Variants in ENPP3 observed in about 807,000 individuals in gnomAD.
The protein encoded by ENPP3 is ectonucleotide pyrophosphatase/phosphodiesterase 3.
ENPP3 carries 104 observed loss-of-function variants against 117.8 expected under a neutral mutation model. That is an observed-to-expected ratio of 0.88 (90% confidence interval 0.75 to 1.04). The LOEUF is 1.04. Ranked by LOEUF, ENPP3 falls within the 50% of genes least tolerant of loss-of-function variation. The probability of loss-of-function intolerance (pLI) is 0.00; values close to 1 mark genes in which losing one functional copy is unlikely to be tolerated. For missense variants in ENPP3, 1,026 were observed against 1,051.9 expected (o/e 0.98, Z 0.34); for synonymous variants, 380 against 349.9 (o/e 1.09, Z -0.96).
At chr6:131,692,272 A>G (rs1223898503) in intron 14 of ENPP3, among the ~76,000 whole-genome samples, 2 of 151,968 alleles carry the variant, frequency 1.3e-5, no homozygotes, top group Non-Finnish European at 2.9e-5. Context: ...TCATTACCTC[A>G]TTTTTCTTTT....
chr6:131,680,652 C>T (rs959127313), intron 11 of ENPP3, among the ~76,000 whole-genome samples: 9 of 152,128 alleles, frequency 5.9e-5, no homozygotes, highest in Non-Finnish European at 1.2e-4. Context: ...TAGTTTTAAT[C>T]GCATACCTTT....
chr6:131,643,949 G>C (rs1472623285), intron 2 of ENPP3, among the ~76,000 whole-genome samples: 1 of 150,530 alleles, frequency 6.6e-6, no homozygotes, highest in African/African-American at 2.5e-5. Flanking sequence ...GTGTCTGTGT[G>C]TGTGTGTGTG....
rs549441852 is a variant in ENPP3, at chr6:131,684,137, T to G, written c.1120+975T>G. On this transcript the variant is annotated intron_variant, in intron 12 of 24. Transcript: ENST00000357639. ...TCCTTCCTAGCTAGGGTGGTCAAAC[T>G]GTCTTCTTGAGGAGGACGTTTAAAG... 1.5e-4 allele frequency among the ~76,000 whole-genome samples: 23 copies of G among 152,306 alleles called. No individual in the cohort carries two copies. The South Asian group carries it at 3.3e-3, about 22-fold the overall frequency.
In ENPP3 at chr6:131,723,403, C is replaced by T. The variant is rs1235414661; in HGVS notation, c.1747-637C>T. ...ACCGACTGCTCCTGATAACCTCAATCAAACTGCCATTAAAAAATAATAATA... is the reference window on the plus strand; with the variant it reads ...ACCGACTGCTCCTGATAACCTCAATTAAACTGCCATTAAAAAATAATAATA... On this transcript the variant is annotated intron_variant, in intron 18 of 24. Transcript: ENST00000357639. Among the ~76,000 whole-genome samples the T allele has an allele frequency of 2.0e-5, 3 of 152,162 alleles. No individual in the cohort carries two copies. The East Asian group carries it at 5.8e-4, about 29-fold the overall frequency.
chr6:131,717,124 T>C (rs1404899709), intron 15 of ENPP3, among the ~76,000 whole-genome samples: 3 of 152,154 alleles, frequency 2.0e-5, no homozygotes, highest in Non-Finnish European at 4.4e-5. Context: ...CCATTCCAGG[T>C]ACTTACCTGG....
intron 2 of ENPP3, among the ~76,000 whole-genome samples, chr6:131,641,749 T>TTGATAATGATAA (rs1778046041): frequency 6.6e-6 from 1 of 151,328 alleles, no homozygotes; most frequent in Non-Finnish European, 1.5e-5. Flanking sequence ...CCCTGCTCAT[T>TTGATAATGATAA]TGAGACTCAT....
chr6:131,733,836 C>A, intron 21 of ENPP3, 113 bp downstream of exon 21: 1 of 1,126,938 alleles, frequency 8.9e-7, no homozygotes, highest in Non-Finnish European at 1.3e-6. Flanking sequence ...GGTAAGCTAG[C>A]TGCCTGAGAG....
chr6:131,709,790 T>A (rs1779737589), intron 15 of ENPP3: 1 of 1,613,470 alleles, frequency 6.2e-7, no homozygotes, highest in Non-Finnish European at 8.5e-7. Flanking sequence ...TCTTCCTCTA[T>A]TCGGTAATTT....
intron 15 of ENPP3, among the ~76,000 whole-genome samples, chr6:131,697,123 G>A (rs1040444059): frequency 1.3e-5 from 2 of 152,170 alleles, no homozygotes; most frequent in African/African-American, 4.8e-5. Flanking sequence ...AAGAGAAGGA[G>A]GCAGGTTTCC....
chr6:131,714,891 C>T (rs1440388123), intron 15 of ENPP3, among the ~76,000 whole-genome samples: 2 of 147,834 alleles, frequency 1.4e-5, no homozygotes, highest in African/African-American at 5.1e-5. Context: ...GAAATGGGTT[C>T]CATAGATTTC....
chr6:131,687,348 A>G (rs1487624224), intron 14 of ENPP3, among the ~76,000 whole-genome samples: 3 of 152,220 alleles, frequency 2.0e-5, no homozygotes, highest in African/African-American at 4.8e-5. Flanking sequence ...CTTTTGCCAT[A>G]TATAAAAATT....
chr6:131,709,757 C>A lies in ENPP3; in HGVS notation c.1413-8915C>A, dbSNP rs569921351. On this transcript the variant is annotated intron_variant, in intron 15 of 24. Transcript: ENST00000357639. ...TCTTCAGTGGCATGGCTGATCTTTTCTTCCACTCTAGAAAGCTTCTCTTCT... is the reference window on the plus strand; with the variant it reads ...TCTTCAGTGGCATGGCTGATCTTTTATTCCACTCTAGAAAGCTTCTCTTCT... The A allele has an allele frequency of 1.9e-6, 3 of 1,613,872 alleles. No individual in the cohort carries two copies. The South Asian group carries it at 3.3e-5, about 18-fold the overall frequency.
At chr6:131,650,247 T>A in intron 3 of ENPP3, 98 bp downstream of exon 3, 1 of 1,332,594 alleles carries the variant, frequency 7.5e-7, no homozygotes, top group Non-Finnish European at 1.1e-6. Flanking sequence ...TGAGACAGAG[T>A]GTCACTCTGT....
rs150431435 is a variant in ENPP3, at chr6:131,727,640, A to G, written c.1953+1440A>G. ...CAAACACTTCTCTGGGGCAGGGATGATTTTATTTAATGCATCCTCAGCACA... is the reference window on the plus strand; with the variant it reads ...CAAACACTTCTCTGGGGCAGGGATGGTTTTATTTAATGCATCCTCAGCACA... On this transcript the variant is annotated intron_variant, in intron 20 of 24. Transcript: ENST00000357639. 3.1e-3 allele frequency among the ~76,000 whole-genome samples: 463 copies of G among 151,768 alleles called. 3 individuals are homozygous for G. Among genetic ancestry groups the G allele is most frequent in the South Asian group, 0.018 (85 of 4,804 alleles).
At position 131,725,746 on chromosome 6, in the gene ENPP3, C is replaced by T. The variant is rs555338262; in HGVS notation, c.1799-300C>T. Among the ~76,000 whole-genome samples the T allele has an allele frequency of 5.3e-5, 8 of 152,300 alleles. No homozygotes were observed. The East Asian group carries it at 1.5e-3, about 29-fold the overall frequency. ...CTGAGCTGTAAAATGTAAGGAATCA[C>T]AGAGGGCAGGCTTCAGATCCTTGCT... On this transcript the variant is annotated intron_variant, in intron 19 of 24. Coordinates refer to ENST00000357639, the MANE Select transcript of ENPP3 (RefSeq NM_005021.5).
At chr6:131,656,671 G>T (rs192219668) in intron 5 of ENPP3, among the ~76,000 whole-genome samples, 1 of 151,776 alleles carries the variant, frequency 6.6e-6, no homozygotes, top group Non-Finnish European at 1.5e-5. Context: ...GGAGGTTGAC[G>T]CAGGAGAATG....
In ENPP3 at chr6:131,639,870, T is replaced by C. The variant is rs1173346656; in HGVS notation, c.79-1585T>C. 2.6e-5 allele frequency among the ~76,000 whole-genome samples: 4 copies of C among 152,228 alleles called. No homozygotes were observed. The East Asian group carries it at 7.7e-4, about 29-fold the overall frequency. On this transcript the variant is annotated intron_variant, in intron 1 of 24. Coordinates refer to ENST00000357639, the MANE Select transcript of ENPP3 (RefSeq NM_005021.5). The stretch of plus-strand genomic sequence containing the variant: ...GGCGGGGCACAGTGGCTAGTGCCTA[T>C]AATCCCAGCACTTTAGGAGGCCGAG...
chr6:131,667,878 T>C (rs2114364290), intron 6 of ENPP3, among the ~76,000 whole-genome samples: 1 of 152,150 alleles, frequency 6.6e-6, no homozygotes, highest in Non-Finnish European at 1.5e-5. Context: ...TTTGCTCTCT[T>C]TTGACCCTTC....
At chr6:131,736,558 C>A (rs539925414) in intron 21 of ENPP3, among the ~76,000 whole-genome samples, 7 of 152,064 alleles carry the variant, frequency 4.6e-5, no homozygotes, top group East Asian at 1.9e-4. Context: ...TCCCACAGCA[C>A]GTGGGAATTA....
Sources: gnomAD v4.1 joint callset for allele counts (sites outside exome capture counted in the v4.1 genomes callset) on GRCh38, gnomAD v4.1.1 for gene constraint, MANE v1.5 for transcripts, NCBI Gene and HGNC (gene_info 2026-07-23, HGNC 2026-07-21) for gene names.